Variants in SERHL2 observed in about 807,000 individuals in gnomAD.
The protein encoded by SERHL2 is serine hydrolase like 2.
In SERHL2, 29 loss-of-function variants were observed where a neutral mutation model predicts 25.5. That is an observed-to-expected ratio of 1.14 (90% CI 0.85 to 1.55). The LOEUF (loss-of-function observed/expected upper bound fraction) is 1.55. Ranked by LOEUF, SERHL2 falls within the 40% of genes most tolerant of loss-of-function variation. The pLI is 0.00. For synonymous variants in SERHL2, 95 were observed against 103.5 expected, an observed-to-expected ratio of 0.92 and a Z score of 0.50; for missense variants, 240 against 252.3, an observed-to-expected ratio of 0.95 and a Z score of 0.33.
Position 42,573,984 on chromosome 22 carries a change from G to A in SERHL2, c.874G>A (p.Glu292Lys), listed in dbSNP as rs199630766. 1.1e-4 allele frequency: 170 copies of A among 1,608,534 alleles called. 1 individual carries two copies. The highest frequency in any genetic ancestry group is 1.8e-4 in the East Asian group (8 of 44,740). ...AGGCAATCACTGTGTCCACATGAGCGAACCCCAGCACGTGGCCAGTATCAT... is the reference window on the plus strand; with the variant it reads ...AGGCAATCACTGTGTCCACATGAGCAAACCCCAGCACGTGGCCAGTATCAT... The part of the protein sequence containing the change: ...VPGNHCVHMS[E>K]PQHVASIISS... The change falls in exon 12 of 12, where the codon GAA becomes AAA. Residue 292 changes from glutamate (E) to lysine (K), a missense_variant. Glu to Lys is a moderately conservative substitution (Grantham distance 56). Around this residue, in one of 4 missense-constraint regions of SERHL2, gnomAD observed 212 missense variants for 168.9 expected, o/e 1.25. Coordinates refer to ENST00000327678, the MANE Select transcript of SERHL2 (RefSeq NM_014509.5).
At chr22:42,564,540 T>A (rs1188315992) in intron 8 of SERHL2, among the ~76,000 whole-genome samples, 1 of 151,542 alleles carries the variant, frequency 6.6e-6, no homozygotes, top group Non-Finnish European at 1.5e-5. Context: ...CAAGTAATTC[T>A]CCTGCCTCAG....
At chr22:42,567,027 GGTT>G (rs1923483641) in intron 9 of SERHL2, among the ~76,000 whole-genome samples, 2 of 152,060 alleles carry the variant, frequency 1.3e-5, no homozygotes, top group Non-Finnish European at 2.9e-5. Context: ...GCCTTTGAAG[GGTT>G]GTTGTCGAGA....
intron 8 of SERHL2, among the ~76,000 whole-genome samples, chr22:42,566,060 G>A (rs770071694): frequency 2.0e-5 from 3 of 151,992 alleles, no homozygotes; most frequent in African/African-American, 2.4e-5. Flanking sequence ...ATTCTGCACC[G>A]GCCCTTTGGG....
intron 1 of SERHL2, among the ~76,000 whole-genome samples, chr22:42,554,371 G>T (rs984158528): frequency 6.6e-6 from 1 of 152,134 alleles, no homozygotes; most frequent in Non-Finnish European, 1.5e-5. Flanking sequence ...GAGTCCCACC[G>T]CCTGCCCTAA....
rs150723096 is a variant in SERHL2 at position 42,572,974 on chromosome 22, C to T, written c.825+445C>T. On this transcript the variant is annotated intron_variant, in intron 11 of 11. Transcript: ENST00000327678. ...TGGGAGCCACCATACCCGGCCTAGT[C>T]GCACATTTTACAGGCTCCCAAACCA... is the stretch of plus-strand genomic sequence containing the variant. Among the ~76,000 whole-genome samples, 207 of 151,864 alleles carry T rather than the reference C, an allele frequency of 1.4e-3. 1 individual carries two copies. The highest frequency in any genetic ancestry group is 2.2e-3 in the Admixed American group (34 of 15,236).
intron 11 of SERHL2, 183 bp downstream of exon 11, chr22:42,572,712 T>G: frequency 1.0e-6 from 1 of 984,882 alleles, no homozygotes; most frequent in Non-Finnish European, 1.2e-6. Context: ...GGGACACATG[T>G]AATCAGAATT....
In SERHL2 at chr22:42,567,719, A is replaced by ATTT. The variant is rs557135259; in HGVS notation, c.648+1383_648+1385dup. Among the ~76,000 whole-genome samples the ATTT allele has an allele frequency of 3.9e-3, 511 of 131,860 alleles. 4 individuals are homozygous for ATTT. The highest frequency in any genetic ancestry group is 0.013 in the African/African-American group (496 of 39,174). The allele number at this position is 131,860 out of a possible 152,430, so 86.5% of individuals were successfully genotyped here. A position where few individuals can be genotyped will look rare whatever the true frequency, so the allele number is the denominator to read the frequency against. On this transcript the variant is annotated intron_variant, in intron 9 of 11. Transcript: ENST00000327678. ...AAAATAAAAGTTCGATTTTTCTTTA[A>ATTT]TTTTATTATTATTATTATTATTATT...
chr22:42,572,134 C>T (rs1285116324), intron 10 of SERHL2, among the ~76,000 whole-genome samples: 1 of 152,106 alleles, frequency 6.6e-6, no homozygotes, highest in African/African-American at 2.4e-5. Flanking sequence ...GTATGGGCTC[C>T]AGCGCCTGTT....
intron 7 of SERHL2, among the ~76,000 whole-genome samples, chr22:42,559,794 T>C (rs972368483): frequency 2.0e-5 from 3 of 151,732 alleles, no homozygotes; most frequent in Non-Finnish European, 4.4e-5. Flanking sequence ...GCTGCCCTTG[T>C]CTCCATTTTT....
chr22:42,566,440 C>T, intron 9 of SERHL2, 102 bp downstream of exon 9: 1 of 1,153,362 alleles, frequency 8.7e-7, no homozygotes, highest in Non-Finnish European at 1.3e-6. Context: ...CGCCTGTAAT[C>T]CCAGCTACTC....
At chr22:42,564,549 A>G (rs778594283) in intron 8 of SERHL2, among the ~76,000 whole-genome samples, 2 of 151,424 alleles carry the variant, frequency 1.3e-5, no homozygotes, top group Non-Finnish European at 2.9e-5. Context: ...CTCCTGCCTC[A>G]GTCTGCCAAG....
At chr22:42,563,281 G>T in intron 8 of SERHL2, 1 of 210,118 alleles carries the variant, frequency 4.8e-6, no homozygotes, top group South Asian at 4.7e-5. Context: ...ATGGCTCACT[G>T]CAGCCTTGGC....
Position 42,571,153 on chromosome 22 carries a change from G to A in SERHL2, c.681G>A (p.Glu227=), listed in dbSNP as rs1177604437. ...AENSIDFISR[E]LCAHSIRKLQ... ...ACAGCATTGACTTCATCAGCAGGGA[G>A]CTGTGTGCGCATTCCATCAGGAAGC... is the stretch of plus-strand genomic sequence containing the variant. Residue 227 remains glutamate, a synonymous_variant, in exon 10 of 12, where the codon GAG becomes GAA. Coordinates refer to ENST00000327678, the MANE Select transcript of SERHL2 (RefSeq NM_014509.5). 3.1e-6 allele frequency: 5 copies of A among 1,613,364 alleles called. No homozygotes were observed. The African/African-American group carries it at 5.3e-5, about 17-fold the overall frequency.
Position 42,560,193 on chromosome 22 carries a change from A to G in SERHL2, c.541A>G (p.Lys181Glu). The change falls in exon 8 of 12, where the codon AAG (lysine) becomes GAG (glutamate). Residue 181 changes from lysine to glutamate, a missense_variant. This residue lies in a region of SERHL2 where 212 missense variants were observed against 168.9 expected (regional missense o/e 1.25). Transcript: ENST00000327678. ...CCTTCTGTCTCCCCCCAGGTTACTG[A>G]AGAGCAATAGCCACTTGAGTGAGGA... The part of the protein sequence containing the change: ...SLKQLLQRLL[K>E]SNSHLSEECG... The G allele has an allele frequency of 6.2e-7, 1 of 1,612,040 alleles. No homozygotes were observed. Among genetic ancestry groups the G allele is most frequent in the African/African-American group, 1.3e-5 (1 of 75,004 alleles).
Position 42,566,246 on chromosome 22 carries a change from C to T in SERHL2, c.614-58C>T, listed in dbSNP as rs1923361145. The T allele has an allele frequency of 8.3e-6, 13 of 1,565,532 alleles. 2 individuals carry two copies. The East Asian group carries it at 9.0e-5, about 11-fold the overall frequency. On this transcript the variant is annotated intron_variant, in intron 8 of 11. Coordinates refer to ENST00000327678, the MANE Select transcript of SERHL2 (RefSeq NM_014509.5). ...GGAGGGTTCCAGCAAAGTCACGGAG[C>T]GTCCCCTGACCCTGATGGACAGCAT... is the stretch of plus-strand genomic sequence containing the variant.
Position 42,556,781 on chromosome 22 carries a change from C to G in SERHL2, c.423+193C>G, listed in dbSNP as rs1922205137. On this transcript the variant is annotated intron_variant, in intron 6 of 11. Transcript: ENST00000327678. ...CTTATACCCCTAGCAGTGGTCAGGA[C>G]AAGGGGTGTGGGGGACCCCTTGGAA... 6.1e-6 allele frequency: 4 copies of G among 654,606 alleles called. No homozygotes were observed. The South Asian group carries it at 6.7e-5, about 11-fold the overall frequency. 40.5% of individuals were successfully genotyped at this position (654,606 alleles called of 1,614,324 possible).
Position 42,574,093 on chromosome 22 carries a change from A to T in SERHL2, c.*38A>T, listed in dbSNP as rs764271381. The T allele has an allele frequency of 6.3e-7, 1 of 1,585,222 alleles. No homozygotes were observed. The highest frequency in any genetic ancestry group is 8.7e-7 in the Non-Finnish European group (1 of 1,155,136). ...AACTATGAAGACCTAGTGCTCCCAG[A>T]CTCAACACTGGGACTCTGAGTTCCT... On this transcript the variant is annotated 3_prime_UTR_variant, in exon 12 of 12. Transcript: ENST00000327678.
chr22:42,567,526 C>T (rs865988951), intron 9 of SERHL2, among the ~76,000 whole-genome samples: 111 of 151,080 alleles, frequency 7.3e-4, no homozygotes, highest in African/African-American at 1.7e-3. Context: ...TAGCCGGGCG[C>T]GGTGGCAGGC....
Position 42,561,916 on chromosome 22 carries a change from A to AC in SERHL2, c.613+1652dup, listed in dbSNP as rs1455024030. 3.7e-4 allele frequency among the ~76,000 whole-genome samples: 56 copies of AC among 151,900 alleles called. 4 individuals carry two copies. The highest frequency in any genetic ancestry group is 1.8e-4 in the Non-Finnish European group (12 of 67,916). ...ATGGCTGACCTAGGGAGCCCCAGGC[A>AC]CAGAAGTGAGCTAATCTGGAATGAG... On this transcript the variant is annotated intron_variant, in intron 8 of 11. Transcript: ENST00000327678.
Sources: gnomAD v4.1 joint callset for allele counts (sites outside exome capture counted in the v4.1 genomes callset) on GRCh38, gnomAD v4.1.1 for gene constraint, gnomAD v4.1.1 regional missense constraint, MANE v1.5 for transcripts, NCBI Gene and HGNC (gene_info 2026-07-23, HGNC 2026-07-21) for gene names.